The following FNDC3B variants were observed in gnomAD, a reference collection of about 807,000 sequenced individuals.
FNDC3B encodes the protein fibronectin type III domain-containing protein 3B.
A neutral mutation model predicts 151.5 loss-of-function variants in FNDC3B; 12 were observed. That is an observed-to-expected ratio of 0.08 (90% CI 0.05 to 0.13). The LOEUF (loss-of-function observed/expected upper bound fraction) is 0.13. Among genes scored for constraint, FNDC3B ranks in the 10% least tolerant of loss-of-function variants. FNDC3B has a pLI of 1.00. For synonymous variants in FNDC3B, 528 were observed against 549.0 expected (o/e 0.96, Z 0.54); for missense variants, 1,214 against 1,505.3 (o/e 0.81, Z 3.20).
At chr3:172,361,091 T>A (rs1234578217) in intron 22 of FNDC3B, among the ~76,000 whole-genome samples, 1 of 152,182 alleles carries the variant, frequency 6.6e-6, no homozygotes, top group Non-Finnish European at 1.5e-5. Flanking sequence ...TCAGTCCTCC[T>A]AGGCCTCTGG....
chr3:172,262,293 T>C (rs1728686148), intron 6 of FNDC3B, among the ~76,000 whole-genome samples: 1 of 152,230 alleles, frequency 6.6e-6, no homozygotes, highest in Non-Finnish European at 1.5e-5. Flanking sequence ...TGCCCTGTTG[T>C]GGTCCATGTG....
At chr3:172,393,108 T>C (rs1330165698) in intron 25 of FNDC3B, among the ~76,000 whole-genome samples, 1 of 151,280 alleles carries the variant, frequency 6.6e-6, no homozygotes, top group African/African-American at 2.4e-5. Context: ...CAGCCATGAA[T>C]TTTTTTTTAA....
chr3:172,380,788 C>A (rs1735395768), intron 24 of FNDC3B, among the ~76,000 whole-genome samples, 178 bp from the exon 25 acceptor site: 1 of 152,244 alleles, frequency 6.6e-6, no homozygotes, highest in Non-Finnish European at 1.5e-5. Context: ...GGAGTAACTT[C>A]TCTGTGCCTA....
At chr3:172,383,759 A>C (rs1268849071) in intron 25 of FNDC3B, among the ~76,000 whole-genome samples, 3 of 152,244 alleles carry the variant, frequency 2.0e-5, no homozygotes, top group African/African-American at 7.2e-5. Flanking sequence ...ATCATGTTTC[A>C]TAGCCCTTGT....
chr3:172,189,673 G>C (rs1241422485), intron 3 of FNDC3B, among the ~76,000 whole-genome samples: 1 of 151,934 alleles, frequency 6.6e-6, no homozygotes, highest in Non-Finnish European at 1.5e-5. Flanking sequence ...AATTAGCCAG[G>C]CATGGTGGCA....
At chr3:172,347,574 G>T (rs1363863976) in intron 21 of FNDC3B, among the ~76,000 whole-genome samples, 2 of 152,180 alleles carry the variant, frequency 1.3e-5, no homozygotes, top group East Asian at 3.9e-4. Flanking sequence ...AACAAAATAA[G>T]ATTCTTCTCC....
chr3:172,236,376 G>A (rs1727163347), intron 4 of FNDC3B, among the ~76,000 whole-genome samples: 1 of 152,160 alleles, frequency 6.6e-6, no homozygotes, highest in Non-Finnish European at 1.5e-5. Context: ...CTTAATCATA[G>A]CTGAAGATTC....
intron 23 of FNDC3B, among the ~76,000 whole-genome samples, chr3:172,369,730 G>T (rs999279381): frequency 5.3e-5 from 8 of 152,140 alleles, no homozygotes; most frequent in Non-Finnish European, 1.2e-4. Flanking sequence ...ATCAAAATCA[G>T]TTTAGGTATT....
At chr3:172,216,177 T>G (rs1684243888) in intron 3 of FNDC3B, among the ~76,000 whole-genome samples, 1 of 152,220 alleles carries the variant, frequency 6.6e-6, no homozygotes, top group Non-Finnish European at 1.5e-5. Flanking sequence ...TGTTGATATT[T>G]GCAGGGACTT....
chr3:172,132,252 G>A (rs1015903929), intron 2 of FNDC3B, among the ~76,000 whole-genome samples: 1 of 152,158 alleles, frequency 6.6e-6, no homozygotes, highest in Admixed American at 6.5e-5. Context: ...GAAACAGTAT[G>A]CTTGACAGTT....
rs1048182503 is a variant in FNDC3B, at chr3:172,400,037, G to GT, written c.*2568dup. On this transcript the variant is annotated 3_prime_UTR_variant, in exon 26 of 26. Transcript: ENST00000415807. Reference sequence around the variant, plus strand: ...GAAAATTATTACTCTCTATGGCACTGTTTTTTATCACAAATATGTATATGT... The same window carrying GT: ...GAAAATTATTACTCTCTATGGCACTGTTTTTTTATCACAAATATGTATATGT... 1 of 152,534 alleles carries GT rather than the reference G, an allele frequency of 6.6e-6. No homozygotes were observed. The highest frequency in any genetic ancestry group is 6.5e-5 in the Admixed American group (1 of 15,274). The allele number at this position is 152,534 out of a possible 1,614,324, so 9.4% of individuals were successfully genotyped here.
chr3:172,095,859 T>C (rs1156306446), intron 1 of FNDC3B, among the ~76,000 whole-genome samples: 1 of 152,184 alleles, frequency 6.6e-6, no homozygotes, highest in Non-Finnish European at 1.5e-5. Context: ...GTGCACTTCC[T>C]TGTTAACCTG....
chr3:172,100,651 G>A (rs1054854704), intron 1 of FNDC3B, among the ~76,000 whole-genome samples: 6 of 152,026 alleles, frequency 3.9e-5, no homozygotes, highest in African/African-American at 1.4e-4. Context: ...TTGTTTGTTT[G>A]TTAACTGTTG....
At chr3:172,321,066 T>C (rs1302667942) in intron 11 of FNDC3B, among the ~76,000 whole-genome samples, 1 of 152,244 alleles carries the variant, frequency 6.6e-6, no homozygotes, top group Non-Finnish European at 1.5e-5. Flanking sequence ...AGGTAGACCA[T>C]CTGTAAATTT....
intron 3 of FNDC3B, among the ~76,000 whole-genome samples, chr3:172,189,494 T>C (rs1270648950): frequency 6.6e-6 from 1 of 152,180 alleles, no homozygotes; most frequent in East Asian, 1.9e-4. Flanking sequence ...AATCTAATAA[T>C]AAATGAGAGT....
At chr3:172,265,000 T>C (rs1286522811) in intron 6 of FNDC3B, among the ~76,000 whole-genome samples, 1 of 152,200 alleles carries the variant, frequency 6.6e-6, no homozygotes, top group African/African-American at 2.4e-5. Flanking sequence ...GATAAGAGGA[T>C]AAGGGAGAAT....
intron 3 of FNDC3B, among the ~76,000 whole-genome samples, chr3:172,142,271 C>T (rs550002844): frequency 1.1e-4 from 17 of 152,276 alleles, no homozygotes; most frequent in South Asian, 4.1e-4. Flanking sequence ...AAAGCCTATG[C>T]GAACTGGAGT....
At chr3:172,057,205 C>G (rs1399746333) in intron 1 of FNDC3B, among the ~76,000 whole-genome samples, 1 of 152,188 alleles carries the variant, frequency 6.6e-6, no homozygotes, top group African/African-American at 2.4e-5. Context: ...GCGATCAGGT[C>G]TTGACATTAG....
chr3:172,243,663 C>T lies in FNDC3B; in HGVS notation c.265-3870C>T, dbSNP rs541530700. 7.9e-5 allele frequency among the ~76,000 whole-genome samples: 12 copies of T among 152,308 alleles called. No individual in the cohort carries two copies. In the South Asian group the frequency reaches 2.3e-3, roughly 29 times the overall value. ...AGATTTGGGTGGGGATACAGCCAAACCATATCAGCCATCTTCCTTTGGTGT... is the reference window on the plus strand; with the variant it reads ...AGATTTGGGTGGGGATACAGCCAAATCATATCAGCCATCTTCCTTTGGTGT... On this transcript the variant is annotated intron_variant, in intron 4 of 25. Transcript: ENST00000415807.
Sources: allele counts gnomAD v4.1 joint callset (sites outside exome capture counted in the v4.1 genomes callset), GRCh38; gene constraint gnomAD v4.1.1; transcripts MANE v1.5; gene names NCBI Gene and HGNC (gene_info 2026-07-23, HGNC 2026-07-21).